The following NALF1 variants were observed in gnomAD, a reference collection of about 807,000 sequenced individuals.
The protein encoded by NALF1 is NALCN channel auxiliary factor 1.
NALF1 carries 3 observed loss-of-function variants against 48.4 expected under a neutral mutation model. The observed-to-expected ratio is 0.06, with a 90% CI of 0.03 to 0.16. The LOEUF (loss-of-function observed/expected upper bound fraction) is 0.16. Ranked by LOEUF, NALF1 falls within the 10% of genes least tolerant of loss-of-function variation. The pLI, the probability that NALF1 is intolerant of heterozygous loss-of-function variation, is 1.00. For missense variants in NALF1, 526 were observed against 571.5 expected, an observed-to-expected ratio of 0.92 and a Z score of 0.81; for synonymous variants, 262 against 245.7, an observed-to-expected ratio of 1.07 and a Z score of -0.62.
intron 1 of NALF1, among the ~76,000 whole-genome samples, chr13:107,433,087 C>T (rs1225891990): frequency 6.6e-6 from 1 of 152,208 alleles, no homozygotes; most frequent in East Asian, 1.9e-4. Context: ...AGAAATTTGA[C>T]TATTATCTTG....
At chr13:107,797,934 G>A (rs1878483565) in intron 1 of NALF1, among the ~76,000 whole-genome samples, 1 of 151,978 alleles carries the variant, frequency 6.6e-6, no homozygotes, top group Non-Finnish European at 1.5e-5. Flanking sequence ...GCCCAAGATG[G>A]CTTTTCTTTT....
intron 1 of NALF1, among the ~76,000 whole-genome samples, chr13:107,517,589 GC>G (rs1170543146): frequency 4.6e-5 from 7 of 151,906 alleles, no homozygotes; most frequent in Admixed American, 6.6e-5. Flanking sequence ...CCAAGATCGC[GC>G]CACTGCTGCA....
intron 1 of NALF1, among the ~76,000 whole-genome samples, chr13:107,429,517 C>G (rs1012108292): frequency 6.6e-6 from 1 of 152,138 alleles, no homozygotes; most frequent in Non-Finnish European, 1.5e-5. Flanking sequence ...GGTGACAGCA[C>G]TATTGAGCTG....
chr13:107,632,085 A>G (rs1333112186), intron 1 of NALF1, among the ~76,000 whole-genome samples: 1 of 152,218 alleles, frequency 6.6e-6, no homozygotes, highest in Non-Finnish European at 1.5e-5. Flanking sequence ...TGTTTGGTTG[A>G]CAAAACATCT....
At chr13:107,397,887 A>G (rs139381457) in intron 1 of NALF1, among the ~76,000 whole-genome samples, 1 of 152,292 alleles carries the variant, frequency 6.6e-6, no homozygotes, top group East Asian at 1.9e-4. Context: ...GGATTGGCAT[A>G]TAAGGCTCAT....
chr13:107,329,971 G>C (rs1164634223), intron 1 of NALF1, among the ~76,000 whole-genome samples: 2 of 152,080 alleles, frequency 1.3e-5, no homozygotes, highest in East Asian at 3.9e-4. Context: ...TAGGATTTGG[G>C]GAAGTGAGGT....
intron 1 of NALF1, among the ~76,000 whole-genome samples, chr13:107,409,782 AT>A (rs1370414625): frequency 6.6e-6 from 1 of 152,176 alleles, no homozygotes; most frequent in Non-Finnish European, 1.5e-5. Flanking sequence ...TAAATTATAG[AT>A]CTGGATCTGA....
intron 2 of NALF1, among the ~76,000 whole-genome samples, chr13:107,192,496 C>G (rs2138785619): frequency 6.6e-6 from 1 of 152,220 alleles, no homozygotes; most frequent in South Asian, 2.1e-4. Context: ...TGTGGACTTC[C>G]CGAGAATAAA....
In NALF1 at chr13:107,593,875, G is replaced by A. The variant is rs866081308; in HGVS notation, c.915+271807C>T. On this transcript the variant is annotated intron_variant, in intron 1 of 2. Coordinates refer to ENST00000375915, the MANE Select transcript of NALF1 (RefSeq NM_001080396.3). ...TTTGTTTAGAGATTGTCTTGGATCA[G>A]GTGCCATAGAAGGTCTTTTCAAATA... Among the ~76,000 whole-genome samples the A allele has an allele frequency of 1.8e-4, 27 of 151,522 alleles. No individual in the cohort carries two copies. The South Asian group carries it at 2.5e-3, about 14-fold the overall frequency.
intron 1 of NALF1, among the ~76,000 whole-genome samples, chr13:107,786,543 C>T (rs1481420742): frequency 6.6e-6 from 1 of 150,450 alleles, no homozygotes; most frequent in African/African-American, 2.5e-5. Flanking sequence ...CCAGCCTGCC[C>T]AACATGGCGA....
At chr13:107,261,068 T>C (rs1487793009) in intron 1 of NALF1, among the ~76,000 whole-genome samples, 1 of 152,240 alleles carries the variant, frequency 6.6e-6, no homozygotes, top group Non-Finnish European at 1.5e-5. Flanking sequence ...AAGAGTTTAT[T>C]GTGCGAAGCC....
chr13:107,688,819 G>A (rs963999649), intron 1 of NALF1, among the ~76,000 whole-genome samples: 2 of 152,134 alleles, frequency 1.3e-5, no homozygotes, highest in African/African-American at 4.8e-5. Flanking sequence ...AATACATAGA[G>A]GTCAGAGGCA....
At chr13:107,413,567 ACTAT>A (rs1010801900) in intron 1 of NALF1, among the ~76,000 whole-genome samples, 34 of 152,056 alleles carry the variant, frequency 2.2e-4, no homozygotes, top group African/African-American at 8.0e-4. Context: ...GTAATAGGTG[ACTAT>A]CTGTTTGTTG....
At chr13:107,614,894 A>G (rs1363949853) in intron 1 of NALF1, among the ~76,000 whole-genome samples, 1 of 151,634 alleles carries the variant, frequency 6.6e-6, no homozygotes, top group Non-Finnish European at 1.5e-5. Flanking sequence ...CTCCTGCCTC[A>G]GCTTCCTGAG....
intron 1 of NALF1, among the ~76,000 whole-genome samples, chr13:107,642,229 C>T (rs9514715): frequency 0.28 from 42,904 of 152,084 alleles, 6,490 homozygotes; most frequent in East Asian, 0.48. Context: ...CATGGAATTA[C>T]ATTTTCACTA....
intron 1 of NALF1, among the ~76,000 whole-genome samples, chr13:107,351,271 G>A (rs1269262209): frequency 6.6e-6 from 1 of 152,118 alleles, no homozygotes; most frequent in Non-Finnish European, 1.5e-5. Flanking sequence ...AAAATAAATT[G>A]TGAAGGAGAT....
intron 2 of NALF1, among the ~76,000 whole-genome samples, chr13:107,194,144 T>C (rs1879344964): frequency 6.6e-6 from 1 of 152,210 alleles, no homozygotes; most frequent in African/African-American, 2.4e-5. Flanking sequence ...GAGTCTGTTT[T>C]TGTTTAACAC....
At chr13:107,537,363 T>C (rs909303845) in intron 1 of NALF1, among the ~76,000 whole-genome samples, 4 of 152,180 alleles carry the variant, frequency 2.6e-5, no homozygotes, top group Non-Finnish European at 5.9e-5. Context: ...TTGATTAATA[T>C]TTAGCTTTAC....
At chr13:107,690,154 T>C (rs1220802229) in intron 1 of NALF1, among the ~76,000 whole-genome samples, 1 of 152,234 alleles carries the variant, frequency 6.6e-6, no homozygotes, top group African/African-American at 2.4e-5. Context: ...GAGAACTGTT[T>C]GAGAGTTAGA....
Sources: allele counts gnomAD v4.1 joint callset (sites outside exome capture counted in the v4.1 genomes callset), GRCh38; gene constraint gnomAD v4.1.1; transcripts MANE v1.5; gene names NCBI Gene and HGNC (gene_info 2026-07-23, HGNC 2026-07-21).